Variants in PDE1C observed in about 807,000 individuals in gnomAD.
The protein encoded by PDE1C is phosphodiesterase 1C, also known as dual specificity calcium/calmodulin-dependent 3',5'-cyclic nucleotide phosphodiesterase 1C.
PDE1C carries 62 observed loss-of-function variants against 93.1 expected under a neutral mutation model. The ratio of observed to expected loss-of-function variants is 0.67; its 90% CI spans 0.54 to 0.82. The LOEUF (loss-of-function observed/expected upper bound fraction) is 0.82. Among genes scored for constraint, PDE1C ranks in the 40% least tolerant of loss-of-function variants. The pLI is 0.00. For synonymous variants in PDE1C, 325 were observed against 310.1 expected, an observed-to-expected ratio of 1.05 and a Z score of -0.50; for missense variants, 742 against 884.6, an observed-to-expected ratio of 0.84 and a Z score of 2.04.
intron 16 of PDE1C, among the ~76,000 whole-genome samples, chr7:31,803,696 T>C (rs942594253): frequency 1.3e-5 from 2 of 151,962 alleles, no homozygotes; most frequent in East Asian, 3.9e-4. Context: ...TGGTTTCCAG[T>C]TTCATCCATG....
rs77686254 is a variant in PDE1C, at chr7:31,934,616, C to T, written c.129-53756G>A. On this transcript the variant is annotated intron_variant, in intron 2 of 17. Coordinates refer to ENST00000396191, the MANE Select transcript of PDE1C (RefSeq NM_001191057.4). ...TGAGTTGATACTGGTCTGATTTATA[C>T]GGCAAAACTGTCTGACTCTTGCCTC... Among the ~76,000 whole-genome samples the T allele has an allele frequency of 9.2e-3, 1,383 of 151,050 alleles. 22 individuals carry two copies. The highest frequency in any genetic ancestry group is 0.031 in the African/African-American group (1,288 of 41,156).
intron 1 of PDE1C, among the ~76,000 whole-genome samples, chr7:32,401,424 C>T (rs2128095548): frequency 6.6e-6 from 1 of 151,986 alleles, no homozygotes. Flanking sequence ...GTAATCCCAA[C>T]TACTCGGGAG....
chr7:32,154,446 A>G (rs569449386), intron 3 of PDE1C, among the ~76,000 whole-genome samples: 5 of 152,314 alleles, frequency 3.3e-5, no homozygotes, highest in African/African-American at 1.2e-4. Flanking sequence ...ATAATATTTT[A>G]CAAGACTCTA....
At chr7:31,828,204 C>A in intron 12 of PDE1C, 88 bp downstream of exon 12, 1 of 1,046,696 alleles carries the variant, frequency 9.6e-7, no homozygotes, top group East Asian at 2.4e-5. Flanking sequence ...AGCCAGTTTC[C>A]CAGCCAAAGA....
At chr7:32,038,251 A>G (rs1002886296) in intron 2 of PDE1C, among the ~76,000 whole-genome samples, 7 of 152,116 alleles carry the variant, frequency 4.6e-5, no homozygotes, top group South Asian at 2.1e-4. Flanking sequence ...CATGAGACAC[A>G]GATTCTCCCA....
At chr7:31,898,774 A>G (rs1470980796) in intron 2 of PDE1C, among the ~76,000 whole-genome samples, 1 of 152,234 alleles carries the variant, frequency 6.6e-6, no homozygotes, top group Non-Finnish European at 1.5e-5. Context: ...TACCTCTCCC[A>G]GTAATCACAG....
chr7:31,816,268 G>A, intron 14 of PDE1C, 114 bp from the exon 15 acceptor site: 1 of 968,384 alleles, frequency 1.0e-6, no homozygotes, highest in African/African-American at 1.6e-5. Context: ...CTGAGTGTTT[G>A]GGTACATTTT....
chr7:31,987,477 C>A (rs542539413), intron 2 of PDE1C, among the ~76,000 whole-genome samples: 15 of 152,212 alleles, frequency 9.9e-5, no homozygotes, highest in Non-Finnish European at 1.8e-4. Flanking sequence ...TAAAGGAAAC[C>A]ACCCACAAGC....
the PDE1C span, among the ~76,000 whole-genome samples, chr7:31,631,154 T>C: frequency 2.6e-5 from 4 of 152,120 alleles, no homozygotes; most frequent in Non-Finnish European, 5.9e-5. Context: ...AAAATAATAC[T>C]ACCTAAGCCT....
At chr7:32,298,571 C>G (rs1348491399) in intron 1 of PDE1C, 4 of 1,506,412 alleles carry the variant, frequency 2.7e-6, no homozygotes, top group Middle Eastern at 1.7e-4. Flanking sequence ...TCCCCCTGCC[C>G]GCTTAGAAAG....
At chr7:31,991,349 G>A (rs55758797) in intron 2 of PDE1C, among the ~76,000 whole-genome samples, 5,933 of 152,250 alleles carry the variant, frequency 0.039, 406 homozygotes, top group African/African-American at 0.14. Context: ...TTGGAAATGA[G>A]GTGGTAGGGA....
intron 17 of PDE1C, among the ~76,000 whole-genome samples, chr7:31,757,485 G>C (rs1029403252): frequency 6.6e-6 from 1 of 152,128 alleles, no homozygotes; most frequent in Non-Finnish European, 1.5e-5. Flanking sequence ...AGTTCACCTT[G>C]GACCTTAGTA....
intron 1 of PDE1C, among the ~76,000 whole-genome samples, chr7:32,229,947 G>A (rs908385620): frequency 6.6e-6 from 1 of 152,230 alleles, no homozygotes; most frequent in Non-Finnish European, 1.5e-5. Context: ...AGTGAGTGAA[G>A]GGTCACAAGA....
chr7:32,278,227 G>C (rs999803854), intron 1 of PDE1C, among the ~76,000 whole-genome samples: 1 of 151,950 alleles, frequency 6.6e-6, no homozygotes, highest in Non-Finnish European at 1.5e-5. Context: ...CCAAACTGAT[G>C]CTATAGAAAA....
intron 2 of PDE1C, among the ~76,000 whole-genome samples, chr7:31,949,930 G>A (rs1192589846): frequency 6.6e-6 from 1 of 152,014 alleles, no homozygotes; most frequent in African/African-American, 2.4e-5. Flanking sequence ...CTGATTAGCT[G>A]GTTTTCTTAT....
chr7:32,016,281 G>A (rs1787897255), intron 2 of PDE1C, among the ~76,000 whole-genome samples: 2 of 152,188 alleles, frequency 1.3e-5, no homozygotes, highest in African/African-American at 4.8e-5. Flanking sequence ...GAGAAGGAAA[G>A]AATTCAAAGG....
chr7:31,974,802 A>T (rs1811433237), intron 2 of PDE1C, among the ~76,000 whole-genome samples: 1 of 152,234 alleles, frequency 6.6e-6, no homozygotes, highest in African/African-American at 2.4e-5. Context: ...GAAATTTTCG[A>T]AAACTGCTGT....
intron 2 of PDE1C, among the ~76,000 whole-genome samples, chr7:32,201,347 C>G (rs6462341): frequency 0.13 from 20,068 of 152,166 alleles, 1,367 homozygotes; most frequent in Non-Finnish European, 0.15. Context: ...ACAGCCAAGT[C>G]ACGTCTTCCT....
chr7:31,826,280 G>A (rs1451284077), intron 12 of PDE1C, among the ~76,000 whole-genome samples: 1 of 152,168 alleles, frequency 6.6e-6, no homozygotes, highest in Non-Finnish European at 1.5e-5. Flanking sequence ...CAGCAGTAAA[G>A]GATGTTAAAA....
Sources: gnomAD v4.1 joint callset for allele counts (sites outside exome capture counted in the v4.1 genomes callset) on GRCh38, gnomAD v4.1.1 for gene constraint, MANE v1.5 for transcripts, NCBI Gene and HGNC (gene_info 2026-07-23, HGNC 2026-07-21) for gene names.